The following ARFRP1 variants were observed in gnomAD, a reference collection of about 807,000 sequenced individuals.
ARFRP1 encodes ARF related protein 1.
In ARFRP1, 19 loss-of-function variants were observed where a neutral mutation model predicts 30.3. The ratio of observed to expected loss-of-function variants is 0.63; its 90% CI spans 0.44 to 0.92. The LOEUF is 0.92. Among genes scored for constraint, ARFRP1 ranks in the 40% least tolerant of loss-of-function variants. The probability of loss-of-function intolerance (pLI) is 0.00; values close to 1 mark genes in which losing one functional copy is unlikely to be tolerated. For synonymous variants in ARFRP1, 133 were observed against 114.2 expected (o/e 1.16, Z -1.05); for missense variants, 245 against 267.5 (o/e 0.92, Z 0.59).
rs1369816380 is a variant in ARFRP1, at chr20:63,699,225, C to T, written c.*1218G>A. ...CCTGGGAACCAACCTGCAGAACACACACAGGGTCCCCTGGAGAGGACGCGG... is the reference window on the plus strand; with the variant it reads ...CCTGGGAACCAACCTGCAGAACACATACAGGGTCCCCTGGAGAGGACGCGG... On this transcript the variant is annotated 3_prime_UTR_variant, in exon 8 of 8. Transcript: ENST00000622789. 1 of 152,262 alleles carries T rather than the reference C, an allele frequency of 6.6e-6. No individual in the cohort carries two copies. Among genetic ancestry groups the T allele is most frequent in the Non-Finnish European group, 1.5e-5 (1 of 68,022 alleles). 9.4% of individuals were successfully genotyped at this position (152,262 alleles called of 1,614,324 possible). A position where few individuals can be genotyped will look rare whatever the true frequency, so the allele number is the denominator to read the frequency against.
chr20:63,702,012 C>G (rs974289687), intron 5 of ARFRP1, 112 bp from the exon 6 acceptor site: 24 of 906,292 alleles, frequency 2.6e-5, no homozygotes, highest in Admixed American at 5.1e-5. Flanking sequence ...CCCCCCCCCC[C>G]GTCACCCACT....
chr20:63,698,753 C>G lies in ARFRP1; in HGVS notation c.*1690G>C, dbSNP rs1235027802. On this transcript the variant is annotated 3_prime_UTR_variant, in exon 8 of 8. Transcript: ENST00000622789. ...CTGAGCCGCCCGCTGTGCCCAGATCCCTCAGGCTGCCTGCCATCAGAACTG... is the reference window on the plus strand; with the variant it reads ...CTGAGCCGCCCGCTGTGCCCAGATCGCTCAGGCTGCCTGCCATCAGAACTG... 1.7e-6 allele frequency: 1 copy of G among 598,460 alleles called. No individual in the cohort carries two copies. The highest frequency in any genetic ancestry group is 2.6e-6 in the Non-Finnish European group (1 of 384,716). The allele number at this position is 598,460 out of a possible 1,614,324, so 37.1% of individuals were successfully genotyped here. A position where few individuals can be genotyped will look rare whatever the true frequency, so the allele number is the denominator to read the frequency against.
At chr20:63,702,313 G>C (rs1199434472) in intron 4 of ARFRP1, 96 bp from the exon 5 acceptor site, 1 of 1,227,880 alleles carries the variant, frequency 8.1e-7, no homozygotes, top group Admixed American at 1.9e-5. Context: ...GGGCTCACAT[G>C]AGGAAGGGGC....
In ARFRP1 at chr20:63,700,623, T is replaced by C; in HGVS notation, c.497A>G (p.Gln166Arg). Residue 166 changes from glutamine to arginine, a missense_variant, in exon 7 of 8, where the codon CAG becomes CGG. Transcript: ENST00000622789. ...SKIGRRDCLT[Q>R]ACSALTGKGV... ...TCACCCTGTGAGGGCCGAGCAGGCC[T>C]GGGTCAGGCAATCTCGCCTGCCGAT... 3 of 1,610,718 alleles carry C rather than the reference T, an allele frequency of 1.9e-6. No individual in the cohort carries two copies. The highest frequency in any genetic ancestry group is 1.7e-6 in the Non-Finnish European group (2 of 1,179,818).
intron 2 of ARFRP1, 24 bp from the exon 3 acceptor site, chr20:63,706,762 A>G: frequency 6.4e-7 from 1 of 1,566,610 alleles, no homozygotes; most frequent in Non-Finnish European, 8.8e-7. Context: ...CAGAGGCGAA[A>G]CACATCAAGG....
chr20:63,707,408 G>A (rs906871488), intron 1 of ARFRP1: 6 of 270,218 alleles, frequency 2.2e-5, no homozygotes, highest in African/African-American at 4.5e-5. Flanking sequence ...GCCCTCCCCC[G>A]AGGCTTCGCT....
chr20:63,701,445 A>C, intron 6 of ARFRP1: 3 of 482,242 alleles, frequency 6.2e-6, no homozygotes, highest in Non-Finnish European at 8.4e-6. Flanking sequence ...CTCCAAGGGT[A>C]GCAGGAACAG....
Position 63,705,662 on chromosome 20 carries a change from C to T in ARFRP1, c.264+695G>A, listed in dbSNP as rs200194738. 4.7e-4 allele frequency: 252 copies of T among 532,964 alleles called. 1 individual carries two copies. The highest frequency in any genetic ancestry group is 5.0e-4 in the South Asian group (36 of 71,584). The allele number at this position is 532,964 out of a possible 1,614,324, so 33.0% of individuals were successfully genotyped here. On this transcript the variant is annotated intron_variant, in intron 4 of 7. Transcript: ENST00000622789. ...ATCAGGGGAGAGGCAGCCATCCTGC[C>T]GTCCCCACATCTGGTCTTTGCCATT...
chr20:63,700,248 A>T lies in ARFRP1; in HGVS notation c.*195T>A. 2.5e-6 allele frequency: 2 copies of T among 804,880 alleles called. No homozygotes were observed. The highest frequency in any genetic ancestry group is 3.8e-6 in the Non-Finnish European group (2 of 526,020). The allele number at this position is 804,880 out of a possible 1,614,324, so 49.9% of individuals were successfully genotyped here. A position where few individuals can be genotyped will look rare whatever the true frequency, so the allele number is the denominator to read the frequency against. On this transcript the variant is annotated 3_prime_UTR_variant, in exon 8 of 8. Coordinates refer to ENST00000622789, the MANE Select transcript of ARFRP1 (RefSeq NM_001267547.3). The stretch of plus-strand genomic sequence containing the variant: ...CAGGGCCTGGGCCAGCCGGGCTGCC[A>T]GACTCCCCTCCAAAGCCTCCGGATG...
In ARFRP1 at chr20:63,700,322, G is replaced by T; in HGVS notation, c.*121C>A. On this transcript the variant is annotated 3_prime_UTR_variant, in exon 8 of 8. Coordinates refer to ENST00000622789, the MANE Select transcript of ARFRP1 (RefSeq NM_001267547.3). ...GAAAGTTTGTCTTCGAGAAAACAAA[G>T]TAAATAGAAGAACCCCAAAGCAAAG... 7.2e-7 allele frequency: 1 copy of T among 1,383,780 alleles called. No homozygotes were observed. The highest frequency in any genetic ancestry group is 9.8e-7 in the Non-Finnish European group (1 of 1,017,704). 85.7% of individuals were successfully genotyped at this position (1,383,780 alleles called of 1,614,324 possible).
rs908681164 is a variant in ARFRP1 at position 63,699,761 on chromosome 20, C to G, written c.*682G>C. ...CACTCCCCAACTTGCGGGGCTGGGG[C>G]ATAAAAACAGCCACTCCCAGCAGGC... On this transcript the variant is annotated 3_prime_UTR_variant, in exon 8 of 8. Coordinates refer to ENST00000622789, the MANE Select transcript of ARFRP1 (RefSeq NM_001267547.3). The G allele has an allele frequency of 6.5e-6, 1 of 154,384 alleles. No homozygotes were observed. Among genetic ancestry groups the G allele is most frequent in the African/African-American group, 2.4e-5 (1 of 41,448 alleles). The allele number at this position is 154,384 out of a possible 1,614,324, so 9.6% of individuals were successfully genotyped here. A position where few individuals can be genotyped will look rare whatever the true frequency, so the allele number is the denominator to read the frequency against.
chr20:63,705,024 C>G (rs1264869516), intron 4 of ARFRP1: 3 of 152,792 alleles, frequency 2.0e-5, no homozygotes, highest in Non-Finnish European at 4.4e-5. Flanking sequence ...CCCGTCCTCC[C>G]TGCCTTCCTG....
At chr20:63,702,241 G>C in intron 4 of ARFRP1, 24 bp from the exon 5 acceptor site, 1 of 1,603,946 alleles carries the variant, frequency 6.2e-7, no homozygotes, top group East Asian at 2.2e-5. Context: ...CCAGGAGTTG[G>C]GGCTCAGTCC....
At chr20:63,702,019 C>CCCCAA in intron 5 of ARFRP1, 117 bp downstream of exon 5, 1 of 1,208,764 alleles carries the variant, frequency 8.3e-7, no homozygotes, top group Non-Finnish European at 1.2e-6. Context: ...CCCCGTCACC[C>CCCCAA]ACTAGGCAGG....
rs977539445 is a variant in ARFRP1 at position 63,698,661 on chromosome 20, T to G, written c.*1782A>C. ...AAGAAATGAGGTTTCTTAAAGCTTATTTTTATAAAGCTTTTTCATAAAACT... is the reference window on the plus strand; with the variant it reads ...AAGAAATGAGGTTTCTTAAAGCTTAGTTTTATAAAGCTTTTTCATAAAACT... On this transcript the variant is annotated 3_prime_UTR_variant, in exon 8 of 8. Transcript: ENST00000622789. 1 of 1,292,878 alleles carries G rather than the reference T, an allele frequency of 7.7e-7. No homozygotes were observed. Among genetic ancestry groups the G allele is most frequent in the African/African-American group, 1.9e-5 (1 of 51,588 alleles). 80.1% of individuals were successfully genotyped at this position (1,292,878 alleles called of 1,614,324 possible). A position where few individuals can be genotyped will look rare whatever the true frequency, so the allele number is the denominator to read the frequency against.
At chr20:63,703,448 G>C (rs1336849314) in intron 4 of ARFRP1, 1 of 152,132 alleles carries the variant, frequency 6.6e-6, no homozygotes, top group Admixed American at 6.6e-5. Context: ...GTGGAGAGGA[G>C]GCCCAAGGCC....
At chr20:63,706,536 A>T in intron 3 of ARFRP1, 97 bp from the exon 4 acceptor site, 1 of 1,516,438 alleles carries the variant, frequency 6.6e-7, no homozygotes, top group Non-Finnish European at 9.2e-7. Context: ...TGCTGGTGCC[A>T]CTCAAATGAG....
chr20:63,701,660 A>G (rs2091210597), intron 6 of ARFRP1, 170 bp downstream of exon 6: 3 of 647,566 alleles, frequency 4.6e-6, no homozygotes, highest in Non-Finnish European at 8.0e-6. Flanking sequence ...GCAGGTCTGG[A>G]GAGGAACCAG....
intron 4 of ARFRP1, 42 bp downstream of exon 4, chr20:63,706,315 T>C (rs771999150): frequency 1.3e-6 from 2 of 1,570,782 alleles, no homozygotes; most frequent in Non-Finnish European, 1.8e-6. Context: ...GAAGTGGCAC[T>C]GGAGGGCTGG....
Sources: gnomAD v4.1 joint callset for allele counts on GRCh38, gnomAD v4.1.1 for gene constraint, MANE v1.5 for transcripts, NCBI Gene and HGNC (gene_info 2026-07-23, HGNC 2026-07-21) for gene names.